Variants in DOCK1 observed in about 807,000 individuals in gnomAD.
The protein encoded by DOCK1 is dedicator of cytokinesis 1, also known as dedicator of cytokinesis protein 1.
DOCK1 carries 138 observed loss-of-function variants against 262.7 expected under a neutral mutation model. That is an observed-to-expected ratio of 0.53 (90% CI 0.46 to 0.61). DOCK1 has a LOEUF of 0.61. DOCK1 is among the 20% of genes least tolerant of loss of function. The pLI, the probability that DOCK1 is intolerant of heterozygous loss-of-function variation, is 0.00. For missense variants in DOCK1, 1,908 were observed against 2,370.7 expected, an observed-to-expected ratio of 0.80 and a Z score of 4.05; for synonymous variants, 866 against 867.4, an observed-to-expected ratio of 1.00 and a Z score of 0.03.
chr10:127,101,688 G>A (rs976504548), intron 23 of DOCK1, among the ~76,000 whole-genome samples: 38 of 152,166 alleles, frequency 2.5e-4, no homozygotes, highest in Non-Finnish European at 3.4e-4. Flanking sequence ...CACAGTGTCC[G>A]GCAGCCCAAG....
At position 127,447,380 on chromosome 10, in the gene DOCK1, T is replaced by A. The variant is rs1367764450; in HGVS notation, c.5414-14T>A. On this transcript the variant is annotated splice_polypyrimidine_tract_variant and intron_variant, in intron 50 of 51. Transcript: ENST00000623213. ...GGAAGTCGGGCTGATTTTAAATAGA[T>A]CCCGGTTTTCCAGGCTTGGAGCTGA... 6.2e-7 allele frequency: 1 copy of A among 1,608,582 alleles called. No individual in the cohort carries two copies. The highest frequency in any genetic ancestry group is 8.5e-7 in the Non-Finnish European group (1 of 1,177,564).
chr10:127,437,941 G>A lies in DOCK1; in HGVS notation c.5061-1086G>A, dbSNP rs1034336158. Among the ~76,000 whole-genome samples the A allele has an allele frequency of 2.0e-5, 3 of 152,198 alleles. No individual in the cohort carries two copies. Among genetic ancestry groups the A allele is most frequent in the East Asian group, 1.9e-4 (1 of 5,188 alleles). On this transcript the variant is annotated intron_variant, in intron 48 of 51. Coordinates refer to ENST00000623213, the MANE Select transcript of DOCK1 (RefSeq NM_001290223.2). The surrounding 1 kb of genome is among the most constrained non-coding windows in gnomAD (Gnocchi z 4.4). ...GAAGAAGCCAATTGCTTCTCCAGGC[G>A]GTCAAGGAAGTCAGGTTTGGAAGTT...
chr10:126,912,845 T>C (rs1221947320), intron 1 of DOCK1, among the ~76,000 whole-genome samples: 1 of 152,082 alleles, frequency 6.6e-6, no homozygotes, highest in Non-Finnish European at 1.5e-5. Flanking sequence ...CCAAATACAG[T>C]CACACATCCA....
rs578102494 is a variant in DOCK1 at position 127,234,533 on chromosome 10, C to T, written c.2848-13475C>T. 1.2e-4 allele frequency among the ~76,000 whole-genome samples: 18 copies of T among 152,230 alleles called. No individual in the cohort carries two copies. In the South Asian group the frequency reaches 3.5e-3, roughly 30 times the overall value. On this transcript the variant is annotated intron_variant, in intron 27 of 51. Transcript: ENST00000623213. The stretch of plus-strand genomic sequence containing the variant: ...AAATAGACTTGAACAAATGGAGAGA[C>T]AGTTTGCATGTCTAAGTGGGAAGGC...
chr10:127,298,224 G>A (rs1158317192), intron 29 of DOCK1, among the ~76,000 whole-genome samples: 1 of 152,154 alleles, frequency 6.6e-6, no homozygotes, highest in African/African-American at 2.4e-5. Flanking sequence ...ATATCTATAT[G>A]CTAATTAGTG....
rs1477803246 is a variant in DOCK1, at chr10:127,100,194, A to AG, written c.2446-6033dup. ...GGCTGCCCAGTGAGGAGTGTCCTTG[A>AG]GGGGTCAGCGTGGAGGCAGGGAGGG... On this transcript the variant is annotated intron_variant, in intron 23 of 51. Coordinates refer to ENST00000623213, the MANE Select transcript of DOCK1 (RefSeq NM_001290223.2). The surrounding 1 kb of genome is among the most constrained non-coding windows in gnomAD (Gnocchi z 5.5). 2.0e-5 allele frequency among the ~76,000 whole-genome samples: 3 copies of AG among 152,072 alleles called. No individual in the cohort carries two copies. Among genetic ancestry groups the AG allele is most frequent in the Non-Finnish European group, 4.4e-5 (3 of 68,014 alleles).
chr10:127,172,065 T>G (rs1219320432), intron 27 of DOCK1, among the ~76,000 whole-genome samples: 5 of 152,218 alleles, frequency 3.3e-5, no homozygotes, highest in African/African-American at 1.2e-4. Flanking sequence ...TAACTATGTA[T>G]CAGTGTACAC....
intron 10 of DOCK1, among the ~76,000 whole-genome samples, chr10:127,006,716 G>A (rs1340241): frequency 0.024 from 3,644 of 152,250 alleles, 96 homozygotes; most frequent in East Asian, 0.088. Flanking sequence ...TGCGTTTCCC[G>A]CTTGTTTGCT....
chr10:127,395,732 A>AT (rs1357641172), intron 38 of DOCK1, among the ~76,000 whole-genome samples: 1 of 152,266 alleles, frequency 6.6e-6, no homozygotes, highest in Non-Finnish European at 1.5e-5. Flanking sequence ...CCTGAGCCCC[A>AT]TAAAGCCAGT....
intron 29 of DOCK1, among the ~76,000 whole-genome samples, chr10:127,280,303 G>A (rs975679014): frequency 1.3e-5 from 2 of 151,996 alleles, no homozygotes; most frequent in Non-Finnish European, 2.9e-5. Context: ...CAAAGTGCTG[G>A]GATTACAGGC....
intron 27 of DOCK1, among the ~76,000 whole-genome samples, chr10:127,227,431 C>T (rs900871635): frequency 1.3e-5 from 2 of 152,172 alleles, no homozygotes; most frequent in African/African-American, 4.8e-5. Flanking sequence ...GTCCTGAGCA[C>T]CCATCTGGCC....
chr10:127,353,498 C>G (rs2063988007), intron 31 of DOCK1, among the ~76,000 whole-genome samples: 4 of 152,224 alleles, frequency 2.6e-5, no homozygotes, highest in Non-Finnish European at 5.9e-5. Context: ...ATGGACGGGC[C>G]TCTCCTACCA....
chr10:126,948,221 G>C (rs1373027207), intron 1 of DOCK1, among the ~76,000 whole-genome samples: 4 of 75,528 alleles, frequency 5.3e-5, no homozygotes. Context: ...GGTGATGGTG[G>C]TGGTTGGTAG....
In DOCK1 at chr10:127,433,274, C is replaced by G; in HGVS notation, c.4915-9C>G. ...AACAAGTCTCCTTCTCTCTCTTTCTCGCTCTCAGCCCTCAAGTCTGGATGA... is the reference window on the plus strand; with the variant it reads ...AACAAGTCTCCTTCTCTCTCTTTCTGGCTCTCAGCCCTCAAGTCTGGATGA... On this transcript the variant is annotated splice_polypyrimidine_tract_variant and intron_variant, in intron 47 of 51. Transcript: ENST00000623213. 6.2e-7 allele frequency: 1 copy of G among 1,613,348 alleles called. No individual in the cohort carries two copies. Among genetic ancestry groups the G allele is most frequent in the Non-Finnish European group, 8.5e-7 (1 of 1,179,398 alleles).
intron 27 of DOCK1, among the ~76,000 whole-genome samples, chr10:127,191,470 T>C (rs1477198347): frequency 6.6e-6 from 1 of 152,180 alleles, no homozygotes; most frequent in South Asian, 2.1e-4. Flanking sequence ...CTTTGCTGCA[T>C]TTTTTAAGGA....
intron 37 of DOCK1, among the ~76,000 whole-genome samples, chr10:127,383,591 G>A (rs2065937241): frequency 1.3e-5 from 2 of 152,246 alleles, no homozygotes; most frequent in Non-Finnish European, 1.5e-5. Flanking sequence ...CGTGCCCTGT[G>A]CCTGGGAGCC....
At chr10:127,260,161 C>CA (rs1471153300) in intron 29 of DOCK1, among the ~76,000 whole-genome samples, 1 of 152,250 alleles carries the variant, frequency 6.6e-6, no homozygotes, top group Non-Finnish European at 1.5e-5. Context: ...TGGCGCCTGA[C>CA]AGAGGTACCC....
intron 1 of DOCK1, among the ~76,000 whole-genome samples, chr10:126,933,849 C>T (rs36158668): frequency 0.25 from 37,882 of 151,964 alleles, 5,459 homozygotes; most frequent in African/African-American, 0.39. Flanking sequence ...AGTTTCGGTC[C>T]TGTTGCCTAG....
intron 3 of DOCK1, among the ~76,000 whole-genome samples, chr10:126,980,078 A>G (rs1407383321): frequency 6.6e-6 from 1 of 152,096 alleles, no homozygotes; most frequent in African/African-American, 2.4e-5. Context: ...ACCTATTGCT[A>G]TCATGGAAAG....
Sources: allele counts gnomAD v4.1 joint callset (sites outside exome capture counted in the v4.1 genomes callset), GRCh38; gene constraint gnomAD v4.1.1; non-coding constraint Gnocchi (gnomAD v3.1); transcripts MANE v1.5; gene names NCBI Gene and HGNC (gene_info 2026-07-23, HGNC 2026-07-21).